The following SKIC3 variants were observed in gnomAD, a reference collection of about 807,000 sequenced individuals.
The protein encoded by SKIC3 is superkiller complex protein 3.
chr5:95,504,022 A>C, the SKIC3 span: 30 of 1,400,380 alleles, frequency 2.1e-5, no homozygotes, highest in African/African-American at 3.6e-4. Flanking sequence ...AATTACACTA[A>C]GTTGGGCCGG....
chr5:95,494,444 T>C, the SKIC3 span, among the ~76,000 whole-genome samples: 1 of 152,176 alleles, frequency 6.6e-6, no homozygotes, highest in Non-Finnish European at 1.5e-5. Flanking sequence ...AAATCTATAA[T>C]GCATCAATTT....
At chr5:95,497,216 A>T in the SKIC3 span, among the ~76,000 whole-genome samples, 1,404 of 152,300 alleles carry the variant, frequency 9.2e-3, 21 homozygotes, top group African/African-American at 0.032. Context: ...CTCCCACAAC[A>T]TCTAGAACAG....
the SKIC3 span, among the ~76,000 whole-genome samples, chr5:95,526,354 A>C: frequency 1.3e-5 from 2 of 151,894 alleles, no homozygotes; most frequent in Non-Finnish European, 2.9e-5. Flanking sequence ...GGTGTTTAAC[A>C]TGTTCCTTGG....
chr5:95,486,013 G>A, the SKIC3 span, among the ~76,000 whole-genome samples: 1 of 152,170 alleles, frequency 6.6e-6, no homozygotes, highest in Admixed American at 6.5e-5. Flanking sequence ...CATGGACTCT[G>A]ATAATTCTAG....
chr5:95,536,668 CAA>C, the SKIC3 span: 7 of 700,104 alleles, frequency 1.0e-5, no homozygotes, highest in South Asian at 3.3e-5. Context: ...TTCATATACA[CAA>C]AGACTACACA....
chr5:95,514,747 AAAGT>A, the SKIC3 span: 1 of 1,148,048 alleles, frequency 8.7e-7, no homozygotes, highest in Non-Finnish European at 1.3e-6. Context: ...TGACTGGCAC[AAAGT>A]AAGCCCTCAA....
At chr5:95,547,951 T>C in the SKIC3 span, among the ~76,000 whole-genome samples, 1 of 152,084 alleles carries the variant, frequency 6.6e-6, no homozygotes, top group East Asian at 1.9e-4. Context: ...TAAACTTGAA[T>C]GGAAGCAATG....
chr5:95,511,462 C>T, the SKIC3 span, among the ~76,000 whole-genome samples: 1 of 152,130 alleles, frequency 6.6e-6, no homozygotes, highest in Non-Finnish European at 1.5e-5. Context: ...TCCATGCCTT[C>T]ACATGCCACA....
the SKIC3 span, chr5:95,464,819 T>C: frequency 1.4e-6 from 1 of 690,976 alleles, no homozygotes; most frequent in African/African-American, 1.8e-5. Flanking sequence ...AGTGACTCTG[T>C]GCAATCTTTC....
the SKIC3 span, among the ~76,000 whole-genome samples, chr5:95,488,134 C>T: frequency 4.0e-5 from 6 of 151,850 alleles, no homozygotes; most frequent in Non-Finnish European, 7.4e-5. Context: ...CCTAGTGAGA[C>T]AAAAATGTAA....
chr5:95,480,705 A>G, the SKIC3 span, among the ~76,000 whole-genome samples: 1 of 152,228 alleles, frequency 6.6e-6, no homozygotes. Flanking sequence ...TCACAGCAGC[A>G]TTATTCATGC....
chr5:95,468,003 A>T, the SKIC3 span: 1 of 1,612,492 alleles, frequency 6.2e-7, no homozygotes, highest in Admixed American at 1.7e-5. Flanking sequence ...GAAAAAAAAA[A>T]TTTACATTTA....
chr5:95,552,835 A>T, the SKIC3 span, among the ~76,000 whole-genome samples: 1 of 152,120 alleles, frequency 6.6e-6, no homozygotes, highest in East Asian at 1.9e-4. Context: ...TATGAGAACT[A>T]GCTGAAGAAA....
At chr5:95,482,368 G>A in the SKIC3 span, 1 of 1,190,858 alleles carries the variant, frequency 8.4e-7, no homozygotes, top group East Asian at 2.3e-5. Context: ...AGATAACATG[G>A]TGAGAGTGAC....
At chr5:95,464,367 C>T in the SKIC3 span, 1 of 458,182 alleles carries the variant, frequency 2.2e-6, no homozygotes, top group Non-Finnish European at 3.9e-6. Flanking sequence ...GCAACCAAGG[C>T]AATAATGGTT....
chr5:95,528,781 T>C, the SKIC3 span: 1 of 539,450 alleles, frequency 1.9e-6, no homozygotes. Flanking sequence ...ATATTCCAAA[T>C]GCAGGAAAAT....
chr5:95,478,292 T>A, the SKIC3 span: 4 of 1,613,642 alleles, frequency 2.5e-6, no homozygotes, highest in Non-Finnish European at 3.4e-6. Flanking sequence ...GATCTTACCA[T>A]ACAGACTTTT....
At chr5:95,535,288 A>G in the SKIC3 span, among the ~76,000 whole-genome samples, 1 of 150,916 alleles carries the variant, frequency 6.6e-6, no homozygotes. Flanking sequence ...TACCAAAACC[A>G]GAGCTGAAGG....
the SKIC3 span, chr5:95,494,859 G>A: frequency 6.3e-7 from 1 of 1,594,258 alleles, no homozygotes. Flanking sequence ...CTGACTAAAA[G>A]ACTCTATTTG....
Sources: gnomAD v4.1 joint callset for allele counts (sites outside exome capture counted in the v4.1 genomes callset) on GRCh38, gnomAD v4.1.1 for gene constraint, MANE v1.5 for transcripts, NCBI Gene and HGNC (gene_info 2026-07-23, HGNC 2026-07-21) for gene names.